QRFPR: variants seen among roughly 807,000 people sequenced by gnomAD.
QRFPR encodes the protein pyroglutamylated RFamide peptide receptor.
Under a neutral mutation model 31.3 loss-of-function variants are expected in QRFPR, and 37 were observed. The observed-to-expected ratio is 1.18, with a 90% CI of 0.91 to 1.56. The LOEUF is 1.56. Among genes scored for constraint, QRFPR ranks in the 40% most tolerant of loss-of-function variants. The pLI, the probability that QRFPR is intolerant of heterozygous loss-of-function variation, is 0.00. For synonymous variants in QRFPR, 197 were observed against 192.0 expected (o/e 1.03, Z -0.22); for missense variants, 542 against 532.5 (o/e 1.02, Z -0.18).
At chr4:121,374,584 C>A (rs1270507809) in intron 1 of QRFPR, among the ~76,000 whole-genome samples, 9 of 152,128 alleles carry the variant, frequency 5.9e-5, no homozygotes, top group Admixed American at 5.9e-4. Flanking sequence ...ACTTTGGGAA[C>A]TTTTGAAAAC....
chr4:121,365,557 A>ATT (rs368191683), intron 1 of QRFPR, among the ~76,000 whole-genome samples: 992 of 13,088 alleles, frequency 0.076, 121 homozygotes, highest in Non-Finnish European at 0.094. Flanking sequence ...TATAATATAT[A>ATT]ATATATATTA....
intron 4 of QRFPR, 34 bp downstream of exon 4, chr4:121,332,787 T>G: frequency 6.6e-7 from 1 of 1,505,480 alleles, no homozygotes. Context: ...TAATTAAAAA[T>G]AATTTAAAGA....
chr4:121,357,715 T>G (rs34838042), intron 1 of QRFPR, among the ~76,000 whole-genome samples: 2 of 152,172 alleles, frequency 1.3e-5, no homozygotes, highest in African/African-American at 4.8e-5. Context: ...CTTGGGGACT[T>G]AAGCTTTTTA....
chr4:121,372,967 G>C (rs751510491), intron 1 of QRFPR, among the ~76,000 whole-genome samples: 1 of 152,154 alleles, frequency 6.6e-6, no homozygotes, highest in Non-Finnish European at 1.5e-5. Context: ...TGGCCGCCGA[G>C]GGGGAGGATG....
At chr4:121,372,366 C>T (rs1726264040) in intron 1 of QRFPR, among the ~76,000 whole-genome samples, 1 of 152,152 alleles carries the variant, frequency 6.6e-6, no homozygotes, top group Admixed American at 6.5e-5. Flanking sequence ...TATTCTCTCT[C>T]ATTTCCTGAG....
At chr4:121,361,650 A>T (rs998524931) in intron 1 of QRFPR, among the ~76,000 whole-genome samples, 3 of 150,428 alleles carry the variant, frequency 2.0e-5, no homozygotes, top group Admixed American at 6.6e-5. Context: ...ATTCTGAAAA[A>T]GTTCCAGGTG....
In QRFPR at chr4:121,328,691, G is replaced by C. The variant is rs1725260626; in HGVS notation, c.*623C>G. Among the ~76,000 whole-genome samples the C allele has an allele frequency of 2.0e-5, 3 of 152,190 alleles. No individual in the cohort carries two copies. The South Asian group carries it at 6.2e-4, about 32-fold the overall frequency. On this transcript the variant is annotated 3_prime_UTR_variant, in exon 6 of 6. Transcript: ENST00000394427. Reference sequence around the variant, plus strand: ...AGAAAAACTGCTAGCTAAGAACCCTGATTTCTGTACAAGATTTTTAAAAAT... The same window carrying C: ...AGAAAAACTGCTAGCTAAGAACCCTCATTTCTGTACAAGATTTTTAAAAAT...
intron 3 of QRFPR, chr4:121,334,671 AT>A: frequency 8.5e-6 from 3 of 353,644 alleles, no homozygotes; most frequent in South Asian, 2.3e-5. Flanking sequence ...GTGAATTCAC[AT>A]TTTTCATACA....
chr4:121,369,521 T>C, intron 1 of QRFPR: 1 of 1,521,276 alleles, frequency 6.6e-7, no homozygotes, highest in Non-Finnish European at 9.0e-7. Flanking sequence ...CACTGGGAAG[T>C]CCATCTTGGG....
At chr4:121,350,483 T>C (rs1217065343) in intron 1 of QRFPR, among the ~76,000 whole-genome samples, 1 of 152,204 alleles carries the variant, frequency 6.6e-6, no homozygotes, top group Non-Finnish European at 1.5e-5. Context: ...AATCCATCAA[T>C]ATCTTTTTCA....
In QRFPR at chr4:121,380,551, G is replaced by A. The variant is rs1479938727; in HGVS notation, c.97C>T (p.Pro33Ser). The A allele has an allele frequency of 6.2e-7, 1 of 1,608,592 alleles. No homozygotes were observed. The highest frequency in any genetic ancestry group is 8.5e-7 in the Non-Finnish European group (1 of 1,177,840). The stretch of plus-strand genomic sequence containing the variant: ...GGCAGCTCTGGGGTGTAGACGAGCG[G>A]TCGCAGCCGGTACAGAGCGATGAAC... Reference protein sequence around the residue: ...EQFIALYRLRPLVYTPELPGR... With the variant: ...EQFIALYRLRSLVYTPELPGR... Residue 33 changes from proline (P) to serine (S), a missense_variant, in exon 1 of 6, where the codon CCG (proline) becomes TCG (serine). By Grantham distance (74) the Pro-to-Ser change is moderately conservative (BLOSUM62 -1). Transcript: ENST00000394427.
Position 121,380,846 on chromosome 4 carries a change from A to G in QRFPR, c.-199T>C, listed in dbSNP as rs1726480515. ...CAGCTCAGGGATCAAACCCACGATA[A>G]AGAGGCGGGAAGCCAAAGCACTGGG... On this transcript the variant is annotated 5_prime_UTR_variant, in exon 1 of 6. Coordinates refer to ENST00000394427, the MANE Select transcript of QRFPR (RefSeq NM_198179.3). 3.6e-6 allele frequency: 2 copies of G among 552,570 alleles called. No individual in the cohort carries two copies. Among genetic ancestry groups the G allele is most frequent in the South Asian group, 5.2e-5 (2 of 38,570 alleles). 34.2% of individuals were successfully genotyped at this position (552,570 alleles called of 1,614,324 possible). A position where few individuals can be genotyped will look rare whatever the true frequency, so the allele number is the denominator to read the frequency against.
At position 121,380,491 on chromosome 4, in the gene QRFPR, C is replaced by CGG; in HGVS notation, c.156_157insCC (p.Val53ProfsTer19). 6.2e-7 allele frequency: 1 copy of CGG among 1,614,184 alleles called. No homozygotes were observed. The highest frequency in any genetic ancestry group is 8.5e-7 in the Non-Finnish European group (1 of 1,180,000). On this transcript the variant is annotated frameshift_variant, in exon 1 of 6. Transcript: ENST00000394427. LOFTEE classifies it high-confidence loss of function. ...AAGAGCGCCAGGGCGAAGATGAGCACGCCGGTGAGCACGAGGGCCAGCTTG... is the reference window on the plus strand; with the variant it reads ...AAGAGCGCCAGGGCGAAGATGAGCACGGGCCGGTGAGCACGAGGGCCAGCTTG...
At chr4:121,355,925 C>T (rs1579580912) in intron 1 of QRFPR, among the ~76,000 whole-genome samples, 1 of 152,122 alleles carries the variant, frequency 6.6e-6, no homozygotes, top group South Asian at 2.1e-4. Context: ...AGAGAAGATA[C>T]TTGATATAAT....
intron 1 of QRFPR, among the ~76,000 whole-genome samples, chr4:121,343,794 G>A (rs1725592980): frequency 6.6e-6 from 1 of 151,992 alleles, no homozygotes; most frequent in Admixed American, 6.6e-5. Context: ...GAAAATTTTT[G>A]CTGTATTCAT....
chr4:121,337,940 A>G (rs1054875068), intron 2 of QRFPR, among the ~76,000 whole-genome samples: 2 of 152,216 alleles, frequency 1.3e-5, no homozygotes, highest in Non-Finnish European at 2.9e-5. Flanking sequence ...TTGGGGGAAA[A>G]GTTTCCAGCT....
intron 1 of QRFPR, among the ~76,000 whole-genome samples, chr4:121,368,928 A>G (rs1726177885): frequency 6.6e-6 from 1 of 151,566 alleles, no homozygotes. Context: ...AAGCAGTACA[A>G]AATGGCTTCT....
intron 2 of QRFPR, among the ~76,000 whole-genome samples, chr4:121,339,951 T>C (rs1019335750): frequency 6.6e-6 from 1 of 151,476 alleles, no homozygotes; most frequent in Non-Finnish European, 1.5e-5. Context: ...TGAGACCCTA[T>C]CTAAAAAAGA....
At chr4:121,343,742 G>A (rs545743302) in intron 1 of QRFPR, among the ~76,000 whole-genome samples, 1 of 152,018 alleles carries the variant, frequency 6.6e-6, no homozygotes, top group East Asian at 1.9e-4. Context: ...AAATAATTTG[G>A]TTGAAAGGAA....
Sources: gnomAD v4.1 joint callset for allele counts (sites outside exome capture counted in the v4.1 genomes callset) on GRCh38, gnomAD v4.1.1 for gene constraint, MANE v1.5 for transcripts, NCBI Gene and HGNC (gene_info 2026-07-23, HGNC 2026-07-21) for gene names.